RHOU: variants seen among roughly 807,000 people sequenced by gnomAD.
The protein encoded by RHOU is ras homolog family member U, also known as rho-related GTP-binding protein RhoU.
In RHOU, 8 loss-of-function variants were observed where a neutral mutation model predicts 12.6. The ratio of observed to expected loss-of-function variants is 0.64; its 90% CI spans 0.37 to 1.15. The LOEUF (loss-of-function observed/expected upper bound fraction) is 1.15. RHOU is among the 50% of genes most tolerant of loss of function. The pLI, the probability that RHOU is intolerant of heterozygous loss-of-function variation, is 0.01. For synonymous variants in RHOU, 161 were observed against 147.4 expected, an observed-to-expected ratio of 1.09 and a Z score of -0.67; for missense variants, 258 against 347.0, an observed-to-expected ratio of 0.74 and a Z score of 2.04.
chr1:228,647,184 G>T, the RHOU span, among the ~76,000 whole-genome samples: 1 of 152,222 alleles, frequency 6.6e-6, no homozygotes, highest in Admixed American at 6.5e-5. Flanking sequence ...CGTGCGAGAG[G>T]ACCAACGGAG....
At chr1:228,676,827 A>G in the RHOU span, among the ~76,000 whole-genome samples, 1 of 152,180 alleles carries the variant, frequency 6.6e-6, no homozygotes, top group Admixed American at 6.5e-5. Context: ...TACAAAGTAC[A>G]TTGATCAGTT....
chr1:228,698,185 A>ATT, the RHOU span, among the ~76,000 whole-genome samples: 1 of 152,230 alleles, frequency 6.6e-6, no homozygotes, highest in East Asian at 1.9e-4. Context: ...GTATGAAAAC[A>ATT]TTTAAAACTT....
the RHOU span, among the ~76,000 whole-genome samples, chr1:228,707,105 C>CATATATATAT: frequency 2.5e-4 from 18 of 70,820 alleles, no homozygotes; most frequent in Admixed American, 6.7e-4. Flanking sequence ...TATATACATA[C>CATATATATAT]ATATATATAT....
chr1:228,703,298 G>A, the RHOU span, among the ~76,000 whole-genome samples: 38 of 152,232 alleles, frequency 2.5e-4, no homozygotes, highest in Middle Eastern at 3.4e-3. Context: ...AGGCCGAGGC[G>A]CGCGGATCAT....
Position 228,737,796 on chromosome 1 carries a change from C to T in RHOU, c.321+65C>T, listed in dbSNP as rs1371699663. The T allele has an allele frequency of 2.0e-6, 3 of 1,521,186 alleles. No individual in the cohort carries two copies. Among genetic ancestry groups the T allele is most frequent in the Non-Finnish European group, 2.7e-6 (3 of 1,096,736 alleles). The allele number at this position is 1,521,186 out of a possible 1,614,324, so 94.2% of individuals were successfully genotyped here. A position where few individuals can be genotyped will look rare whatever the true frequency, so the allele number is the denominator to read the frequency against. Reference sequence around the variant, plus strand: ...AGCCTTTTAAAGATTTCCAAATAACCTTTGATTCCCTCAGTCAGTAACTGG... The same window carrying T: ...AGCCTTTTAAAGATTTCCAAATAACTTTTGATTCCCTCAGTCAGTAACTGG... On this transcript the variant is annotated intron_variant, in intron 2 of 2. Coordinates refer to ENST00000366691, the MANE Select transcript of RHOU (RefSeq NM_021205.6). The surrounding 1 kb of genome is among the most constrained non-coding windows in gnomAD (Gnocchi z 4.1).
chr1:228,646,507 G>T, the RHOU span, among the ~76,000 whole-genome samples: 1 of 95,176 alleles, frequency 1.1e-5, no homozygotes, highest in Non-Finnish European at 2.1e-5. Flanking sequence ...GGCCGAAGGC[G>T]AACAGCCGGC....
At chr1:228,704,498 A>G in the RHOU span, among the ~76,000 whole-genome samples, 1 of 151,894 alleles carries the variant, frequency 6.6e-6, no homozygotes, top group Non-Finnish European at 1.5e-5. Context: ...TCACCCAGGG[A>G]GTCACCTGGA....
chr1:228,727,807 A>G, the RHOU span, among the ~76,000 whole-genome samples: 1 of 152,218 alleles, frequency 6.6e-6, no homozygotes, highest in Non-Finnish European at 1.5e-5. Flanking sequence ...AGAAATGATT[A>G]CATGGCTAGT....
At chr1:228,706,676 T>G in the RHOU span, among the ~76,000 whole-genome samples, 1 of 152,240 alleles carries the variant, frequency 6.6e-6, no homozygotes, top group African/African-American at 2.4e-5. Context: ...GTTTAATTCC[T>G]TTCTAGGTAT....
the RHOU span, among the ~76,000 whole-genome samples, chr1:228,652,276 G>A: frequency 1.3e-5 from 2 of 152,220 alleles, no homozygotes; most frequent in African/African-American, 4.8e-5. Context: ...TATGTGTTGT[G>A]TCTCTTGTGA....
At chr1:228,714,992 T>A in the RHOU span, among the ~76,000 whole-genome samples, 2 of 152,100 alleles carry the variant, frequency 1.3e-5, no homozygotes, top group Admixed American at 1.3e-4. Flanking sequence ...TCTGCCTGCC[T>A]CAGCCTCCCA....
At chr1:228,713,336 T>C in the RHOU span, among the ~76,000 whole-genome samples, 1 of 152,156 alleles carries the variant, frequency 6.6e-6, no homozygotes, top group Non-Finnish European at 1.5e-5. Context: ...TCCATAAAAC[T>C]CCAAAGGGAC....
chr1:228,690,617 C>T, the RHOU span, among the ~76,000 whole-genome samples: 8 of 143,818 alleles, frequency 5.6e-5, no homozygotes, highest in African/African-American at 1.3e-4. Flanking sequence ...CCACCAGGCC[C>T]GGCTGTTTGG....
the RHOU span, among the ~76,000 whole-genome samples, chr1:228,712,200 A>C: frequency 6.6e-6 from 1 of 151,876 alleles, no homozygotes; most frequent in South Asian, 2.1e-4. Context: ...GAACACTTTT[A>C]CACTGTTGGT....
the RHOU span, among the ~76,000 whole-genome samples, chr1:228,720,926 G>A: frequency 2.5e-4 from 38 of 152,142 alleles, no homozygotes; most frequent in African/African-American, 8.4e-4. Context: ...TTCCCCTAAA[G>A]AAATCTCCAC....
At chr1:228,687,375 A>C in the RHOU span, 2 of 879,022 alleles carry the variant, frequency 2.3e-6, no homozygotes, top group Non-Finnish European at 3.8e-6. Context: ...GTTTTGGTAC[A>C]ACTTATAGAA....
At chr1:228,646,808 A>C in the RHOU span, among the ~76,000 whole-genome samples, 1 of 152,036 alleles carries the variant, frequency 6.6e-6, no homozygotes, top group Admixed American at 6.5e-5. Context: ...ACGCACGCAC[A>C]CACACACACG....
chr1:228,691,863 C>T, the RHOU span, among the ~76,000 whole-genome samples: 3 of 152,164 alleles, frequency 2.0e-5, no homozygotes, highest in East Asian at 1.9e-4. Flanking sequence ...CCGTTTCAAA[C>T]GTTAACAAAG....
At chr1:228,698,888 C>A in the RHOU span, among the ~76,000 whole-genome samples, 2 of 152,072 alleles carry the variant, frequency 1.3e-5, no homozygotes, top group Non-Finnish European at 2.9e-5. Flanking sequence ...ATACAAGACC[C>A]CTTTTCTTGT....
Sources: gnomAD v4.1 joint callset for allele counts (sites outside exome capture counted in the v4.1 genomes callset) on GRCh38, gnomAD v4.1.1 for gene constraint, Gnocchi (gnomAD v3.1) non-coding constraint, MANE v1.5 for transcripts, NCBI Gene and HGNC (gene_info 2026-07-23, HGNC 2026-07-21) for gene names.